KCNJ3: variants seen among roughly 807,000 people sequenced by gnomAD.
KCNJ3 encodes G protein-activated inward rectifier potassium channel 1.
KCNJ3 carries 4 observed loss-of-function variants against 39.2 expected under a neutral mutation model. That is an observed-to-expected ratio of 0.10 (90% CI 0.05 to 0.23). KCNJ3 has a LOEUF of 0.23. Among genes scored for constraint, KCNJ3 ranks in the 10% least tolerant of loss-of-function variants. The probability of loss-of-function intolerance (pLI) is 1.00; values close to 1 mark genes in which losing one functional copy is unlikely to be tolerated. For synonymous variants in KCNJ3, 230 were observed against 237.4 expected, an observed-to-expected ratio of 0.97 and a Z score of 0.29; for missense variants, 276 against 634.9, an observed-to-expected ratio of 0.43 and a Z score of 6.08.
At chr2:154,734,992 G>A (rs1685502543) in intron 2 of KCNJ3, among the ~76,000 whole-genome samples, 1 of 151,956 alleles carries the variant, frequency 6.6e-6, no homozygotes, top group South Asian at 2.1e-4. Context: ...CAATAAACAA[G>A]TTCCATTTAT....
chr2:154,734,224 T>G (rs1685487431), intron 2 of KCNJ3, among the ~76,000 whole-genome samples: 1 of 152,162 alleles, frequency 6.6e-6, no homozygotes, highest in Non-Finnish European at 1.5e-5. Context: ...AGATAATGTG[T>G]CTAACATTTT....
At chr2:154,784,036 G>T (rs967238943) in intron 2 of KCNJ3, among the ~76,000 whole-genome samples, 1 of 152,114 alleles carries the variant, frequency 6.6e-6, no homozygotes, top group Non-Finnish European at 1.5e-5. Context: ...AAAATTTCTT[G>T]CTGGGTGATA....
In KCNJ3 at chr2:154,803,358, T is replaced by G. The variant is rs551061318; in HGVS notation, c.920-51369T>G. On this transcript the variant is annotated intron_variant, in intron 2 of 2. Coordinates refer to ENST00000295101, the MANE Select transcript of KCNJ3 (RefSeq NM_002239.4). ...GAGCACCTGTTTTAAAAAATAAGAA[T>G]TGGAATAATTTAAAAATCATTCTCA... 4.6e-5 allele frequency among the ~76,000 whole-genome samples: 7 copies of G among 152,034 alleles called. No individual in the cohort carries two copies. The East Asian group carries it at 1.4e-3, about 29-fold the overall frequency.
intron 2 of KCNJ3, among the ~76,000 whole-genome samples, chr2:154,813,150 G>A (rs1687030198): frequency 6.6e-6 from 1 of 152,152 alleles, no homozygotes; most frequent in African/African-American, 2.4e-5. Context: ...TCATAACTTA[G>A]TAGTTAGCAG....
chr2:154,759,096 T>A (rs1685990151), intron 2 of KCNJ3, among the ~76,000 whole-genome samples: 1 of 152,200 alleles, frequency 6.6e-6, no homozygotes, highest in Admixed American at 6.5e-5. Context: ...GTACTTCTAA[T>A]CCTTCTATTA....
At chr2:154,704,516 A>G (rs1471425561) in intron 1 of KCNJ3, among the ~76,000 whole-genome samples, 1 of 152,178 alleles carries the variant, frequency 6.6e-6, no homozygotes, top group East Asian at 1.9e-4. Flanking sequence ...AATTGAACAT[A>G]TTTTTGTGGG....
In KCNJ3 at chr2:154,764,706, A is replaced by T. The variant is rs560156530; in HGVS notation, c.919+54887A>T. ...CTAACAATAGCTGATAATCTAATTA[A>T]AAAAAAAGATCTGGGCATAAATCTC... On this transcript the variant is annotated intron_variant, in intron 2 of 2. Coordinates refer to ENST00000295101, the MANE Select transcript of KCNJ3 (RefSeq NM_002239.4). 9.1e-3 allele frequency among the ~76,000 whole-genome samples: 433 copies of T among 47,774 alleles called. 3 individuals carry two copies. The highest frequency in any genetic ancestry group is 0.029 in the African/African-American group (406 of 13,806). The allele number at this position is 47,774 out of a possible 152,430, so 31.3% of individuals were successfully genotyped here. A position where few individuals can be genotyped will look rare whatever the true frequency, so the allele number is the denominator to read the frequency against.
intron 2 of KCNJ3, among the ~76,000 whole-genome samples, chr2:154,724,908 A>G (rs1685324823): frequency 1.3e-5 from 1 of 78,560 alleles, no homozygotes. Context: ...TATACAAGAT[A>G]CATATGAGGT....
chr2:154,754,553 G>A (rs1685905833), intron 2 of KCNJ3, among the ~76,000 whole-genome samples: 1 of 152,190 alleles, frequency 6.6e-6, no homozygotes, highest in Non-Finnish European at 1.5e-5. Flanking sequence ...GGGATTACAG[G>A]CATGAGCCAC....
At chr2:154,811,116 A>T (rs1201109544) in intron 2 of KCNJ3, among the ~76,000 whole-genome samples, 1 of 152,172 alleles carries the variant, frequency 6.6e-6, no homozygotes, top group Non-Finnish European at 1.5e-5. Flanking sequence ...TGTACCAAGT[A>T]CAACTCTGGG....
chr2:154,848,694 A>T (rs1368117342), intron 2 of KCNJ3, among the ~76,000 whole-genome samples: 1 of 152,174 alleles, frequency 6.6e-6, no homozygotes, highest in African/African-American at 2.4e-5. Flanking sequence ...ACTATTCTTA[A>T]TATAATTTTC....
Position 154,727,044 on chromosome 2 carries a change from G to T in KCNJ3, c.919+17225G>T, listed in dbSNP as rs144410613. Reference sequence around the variant, plus strand: ...GGTGGGAGGGGACTGAGGGATAAAAGACTACGCATTGGTTACAATGTACAC... The same window carrying T: ...GGTGGGAGGGGACTGAGGGATAAAATACTACGCATTGGTTACAATGTACAC... On this transcript the variant is annotated intron_variant, in intron 2 of 2. Transcript: ENST00000295101. Among the ~76,000 whole-genome samples, 22 of 152,144 alleles carry T rather than the reference G, an allele frequency of 1.4e-4. No homozygotes were observed. In the East Asian group the frequency reaches 3.1e-3, roughly 21 times the overall value.
intron 2 of KCNJ3, among the ~76,000 whole-genome samples, chr2:154,813,970 A>T (rs1373612998): frequency 6.6e-6 from 1 of 152,200 alleles, no homozygotes; most frequent in Non-Finnish European, 1.5e-5. Flanking sequence ...GCCTTTAAAA[A>T]TGTGTATATT....
intron 2 of KCNJ3, among the ~76,000 whole-genome samples, chr2:154,804,732 A>T (rs1686881088): frequency 6.6e-6 from 1 of 152,152 alleles, no homozygotes; most frequent in African/African-American, 2.4e-5. Context: ...ATCCATGTTC[A>T]TACACTAAAA....
chr2:154,828,084 C>T (rs1233881715), intron 2 of KCNJ3, among the ~76,000 whole-genome samples: 1 of 151,420 alleles, frequency 6.6e-6, no homozygotes, highest in Non-Finnish European at 1.5e-5. Context: ...TTGATATCCG[C>T]ATTGTAGTTA....
chr2:154,774,761 AG>A (rs1686303349), intron 2 of KCNJ3, among the ~76,000 whole-genome samples: 1 of 152,242 alleles, frequency 6.6e-6, no homozygotes, highest in African/African-American at 2.4e-5. Flanking sequence ...TAAGCCCTTT[AG>A]GATGTTACAT....
At chr2:154,705,091 A>C (rs1014343402) in intron 1 of KCNJ3, among the ~76,000 whole-genome samples, 3 of 152,208 alleles carry the variant, frequency 2.0e-5, no homozygotes, top group Non-Finnish European at 4.4e-5. Context: ...GTAAATCTAT[A>C]GTGTAGGACA....
chr2:154,802,758 A>G (rs1191445810), intron 2 of KCNJ3, among the ~76,000 whole-genome samples: 3 of 152,172 alleles, frequency 2.0e-5, no homozygotes, highest in Admixed American at 2.0e-4. Flanking sequence ...TAACAGTTTT[A>G]TAGTGAGATA....
intron 2 of KCNJ3, among the ~76,000 whole-genome samples, chr2:154,750,452 C>G (rs558974747): frequency 2.0e-5 from 3 of 151,826 alleles, no homozygotes; most frequent in Non-Finnish European, 4.4e-5. Flanking sequence ...CCTAATGCAA[C>G]GGTAACTTAT....
Sources: allele counts gnomAD v4.1 joint callset (sites outside exome capture counted in the v4.1 genomes callset), GRCh38; gene constraint gnomAD v4.1.1; transcripts MANE v1.5; gene names NCBI Gene and HGNC (gene_info 2026-07-23, HGNC 2026-07-21).